RBPMS: variants seen among roughly 807,000 people sequenced by gnomAD.
The protein encoded by RBPMS is RNA-binding protein with multiple splicing.
Under a neutral mutation model 26.8 loss-of-function variants are expected in RBPMS, and 7 were observed. That is an observed-to-expected ratio of 0.26 (90% CI 0.15 to 0.49). The LOEUF (loss-of-function observed/expected upper bound fraction) is 0.49, where lower values mean the gene tolerates loss of function less well. RBPMS is among the 20% of genes least tolerant of loss of function. The pLI, the probability that RBPMS is intolerant of heterozygous loss-of-function variation, is 0.98. For synonymous variants in RBPMS, 96 were observed against 93.3 expected (o/e 1.03, Z -0.17); for missense variants, 186 against 250.0 (o/e 0.74, Z 1.73).
At chr8:30,494,484 A>T (rs1289921135) in intron 4 of RBPMS, among the ~76,000 whole-genome samples, 1 of 152,192 alleles carries the variant, frequency 6.6e-6, no homozygotes, top group Non-Finnish European at 1.5e-5. Context: ...TGAAATATGG[A>T]CTATATTCAT....
chr8:30,549,772 T>TCTCTCTC lies in RBPMS; in HGVS notation c.528+5148_528+5149insCTCTCTC, dbSNP rs1554543821. 7.0e-4 allele frequency among the ~76,000 whole-genome samples: 50 copies of TCTCTCTC among 71,216 alleles called. 2 individuals carry two copies. Among genetic ancestry groups the TCTCTCTC allele is most frequent in the African/African-American group, 3.5e-3 (46 of 13,328 alleles). 46.7% of individuals were successfully genotyped at this position (71,216 alleles called of 152,430 possible). A position where few individuals can be genotyped will look rare whatever the true frequency, so the allele number is the denominator to read the frequency against. ...TTTCCTTTTCTTTTCTTTTCTTTTC[T>TCTCTCTC]TCTCTCTCTCTCTCTCTCTCTCTCC... On this transcript the variant is annotated intron_variant, in intron 6 of 8. Coordinates refer to ENST00000397323, the MANE Select transcript of RBPMS (RefSeq NM_001008710.3).
At chr8:30,453,600 C>T (rs1429443774) in intron 1 of RBPMS, 1 of 152,178 alleles carries the variant, frequency 6.6e-6, no homozygotes, top group African/African-American at 2.4e-5. Flanking sequence ...GCTATTTCCT[C>T]CTAAATAACT....
intron 2 of RBPMS, among the ~76,000 whole-genome samples, chr8:30,475,350 C>G (rs17627582): frequency 0.46 from 69,988 of 152,028 alleles, 17,035 homozygotes; most frequent in East Asian, 0.66. Flanking sequence ...GGATTGAAAA[C>G]TTCATAGGAA....
intron 5 of RBPMS, chr8:30,537,759 T>A (rs1057194237): frequency 9.7e-6 from 4 of 413,242 alleles, no homozygotes; most frequent in African/African-American, 8.2e-5. Flanking sequence ...CCCATGAGGA[T>A]GATTGGTGCA....
chr8:30,440,533 A>G (rs992456892), intron 1 of RBPMS, among the ~76,000 whole-genome samples: 6 of 152,088 alleles, frequency 3.9e-5, no homozygotes, highest in African/African-American at 1.4e-4. Context: ...CTTCCTTTTT[A>G]AGGCTTCCAT....
intron 5 of RBPMS, among the ~76,000 whole-genome samples, chr8:30,536,973 G>A (rs1219092560): frequency 2.0e-5 from 3 of 152,196 alleles, no homozygotes; most frequent in East Asian, 3.8e-4. Flanking sequence ...TCGCAGAGAG[G>A]CTGGCAGACA....
chr8:30,460,705 C>G (rs1256629577), intron 1 of RBPMS, among the ~76,000 whole-genome samples: 1 of 152,124 alleles, frequency 6.6e-6, no homozygotes, highest in Non-Finnish European at 1.5e-5. Context: ...GTTGAAACCT[C>G]TCTTTTTAAA....
chr8:30,478,655 A>G (rs1817959904), intron 3 of RBPMS, among the ~76,000 whole-genome samples: 1 of 152,074 alleles, frequency 6.6e-6, no homozygotes, highest in Non-Finnish European at 1.5e-5. Flanking sequence ...GCATGCCACC[A>G]CGCCCAGCTA....
At chr8:30,555,630 A>T (rs891845853) in intron 6 of RBPMS, among the ~76,000 whole-genome samples, 1 of 152,226 alleles carries the variant, frequency 6.6e-6, no homozygotes, top group African/African-American at 2.4e-5. Flanking sequence ...AAGAAATGTG[A>T]GGGGCCGCTG....
chr8:30,435,604 T>G (rs1202467641), intron 1 of RBPMS, among the ~76,000 whole-genome samples: 3 of 152,186 alleles, frequency 2.0e-5, no homozygotes. Context: ...GGGTACTGTG[T>G]TGGTGATATA....
intron 4 of RBPMS, among the ~76,000 whole-genome samples, chr8:30,486,939 A>G (rs1016284737): frequency 3.3e-5 from 5 of 152,230 alleles, no homozygotes; most frequent in African/African-American, 1.2e-4. Flanking sequence ...CATGCCATTT[A>G]AAAAATGATA....
At chr8:30,549,766 CT>C (rs1251306788) in intron 6 of RBPMS, among the ~76,000 whole-genome samples, 1,301 of 111,176 alleles carry the variant, frequency 0.012, 27 homozygotes, top group African/African-American at 0.043. Flanking sequence ...CTTTTCTTTT[CT>C]TTTCTTCTCT....
At chr8:30,474,699 T>G in intron 1 of RBPMS, 80 bp from the exon 2 acceptor site, 1 of 785,904 alleles carries the variant, frequency 1.3e-6, no homozygotes, top group Admixed American at 2.1e-5. Context: ...TTTGGAATAA[T>G]ATGTTTCTGA....
chr8:30,533,162 C>A (rs1016610040), intron 5 of RBPMS, among the ~76,000 whole-genome samples: 4 of 152,114 alleles, frequency 2.6e-5, no homozygotes, highest in Non-Finnish European at 5.9e-5. Context: ...CTGGAGACTG[C>A]CCAGTTATTC....
At chr8:30,468,500 T>A (rs1816755225) in intron 1 of RBPMS, among the ~76,000 whole-genome samples, 1 of 152,154 alleles carries the variant, frequency 6.6e-6, no homozygotes, top group Non-Finnish European at 1.5e-5. Context: ...TGTAACTCTA[T>A]TGATAAATTG....
At chr8:30,449,443 T>A (rs367846554) in intron 1 of RBPMS, among the ~76,000 whole-genome samples, 101 of 146,022 alleles carry the variant, frequency 6.9e-4, no homozygotes, top group African/African-American at 2.5e-3. Flanking sequence ...CGATTTCAGC[T>A]CACTGCAACC....
intron 1 of RBPMS, among the ~76,000 whole-genome samples, chr8:30,451,052 T>C (rs1814527625): frequency 2.0e-5 from 3 of 152,138 alleles, no homozygotes; most frequent in Non-Finnish European, 4.4e-5. Context: ...AAAATGTAAT[T>C]ACTTTGCATG....
intron 1 of RBPMS, among the ~76,000 whole-genome samples, chr8:30,441,572 T>A (rs1018299523): frequency 6.6e-6 from 1 of 152,172 alleles, no homozygotes; most frequent in Non-Finnish European, 1.5e-5. Context: ...GTCAAGAAGA[T>A]GGATAAGGTG....
chr8:30,491,996 ATTC>A (rs1012324162), intron 4 of RBPMS, among the ~76,000 whole-genome samples: 4 of 152,126 alleles, frequency 2.6e-5, no homozygotes, highest in African/African-American at 9.7e-5. Flanking sequence ...GATTCAGGCA[ATTC>A]TTCTGCCTCA....
Sources: allele counts gnomAD v4.1 joint callset (sites outside exome capture counted in the v4.1 genomes callset), GRCh38; gene constraint gnomAD v4.1.1; transcripts MANE v1.5; gene names NCBI Gene and HGNC (gene_info 2026-07-23, HGNC 2026-07-21).